The following GSK3B variants were observed in gnomAD, a reference collection of about 807,000 sequenced individuals.
GSK3B encodes the protein glycogen synthase kinase-3 beta.
GSK3B carries 15 observed loss-of-function variants against 56.4 expected under a neutral mutation model. The ratio of observed to expected loss-of-function variants is 0.27; its 90% confidence interval spans 0.18 to 0.41. The LOEUF is 0.41. GSK3B is among the 10% of genes least tolerant of loss of function. GSK3B has a pLI of 1.00. For missense variants in GSK3B, 300 were observed against 513.4 expected, an observed-to-expected ratio of 0.58 and a Z score of 4.02; for synonymous variants, 181 against 188.9, an observed-to-expected ratio of 0.96 and a Z score of 0.34.
rs895596547 is a variant in GSK3B, at chr3:119,825,505, A to T, written c.*1283T>A. 4 of 227,216 alleles carry T rather than the reference A, an allele frequency of 1.8e-5. No homozygotes were observed. The highest frequency in any genetic ancestry group is 8.9e-5 in the African/African-American group (4 of 44,986). 14.1% of individuals were successfully genotyped at this position (227,216 alleles called of 1,614,324 possible). ...AAAAAAGGCAGTATTGAATATATGT[A>T]TATATAACATATATACACACATTTA... is the stretch of plus-strand genomic sequence containing the variant. On this transcript the variant is annotated 3_prime_UTR_variant, in exon 11 of 11. Transcript: ENST00000264235.
chr3:119,949,869 C>T (rs1485878090), intron 2 of GSK3B, among the ~76,000 whole-genome samples: 6 of 147,970 alleles, frequency 4.1e-5, no homozygotes, highest in South Asian at 2.2e-4. Flanking sequence ...TCAAGAGTTT[C>T]GTTTTTTATC....
chr3:120,006,354 A>G (rs1037458881), intron 1 of GSK3B, among the ~76,000 whole-genome samples: 16 of 152,214 alleles, frequency 1.1e-4, no homozygotes, highest in African/African-American at 3.6e-4. Flanking sequence ...AGACAGATCA[A>G]GGAGACAGAA....
At chr3:119,881,043 T>C (rs201748799) in intron 7 of GSK3B, among the ~76,000 whole-genome samples, 1 of 152,104 alleles carries the variant, frequency 6.6e-6, no homozygotes, top group African/African-American at 2.4e-5. Context: ...TTCATAATAA[T>C]AAAATACTGC....
chr3:120,063,727 C>CA (rs58811446), intron 1 of GSK3B, among the ~76,000 whole-genome samples: 2,704 of 81,604 alleles, frequency 0.033, 84 homozygotes, highest in South Asian at 0.082. Flanking sequence ...GACTCTGTCT[C>CA]AAAAAAAAAA....
rs2055481288 is a variant in GSK3B, at chr3:119,825,056, A to G, written c.*1732T>C. ...ACCATGGGCTCAGCTCTGCAGCCCTACAGTTACCAGCTAACCTTGGAAGGC... is the reference window on the plus strand; with the variant it reads ...ACCATGGGCTCAGCTCTGCAGCCCTGCAGTTACCAGCTAACCTTGGAAGGC... On this transcript the variant is annotated 3_prime_UTR_variant, in exon 11 of 11. Coordinates refer to ENST00000264235, the MANE Select transcript of GSK3B (RefSeq NM_001146156.2). 3 of 193,832 alleles carry G rather than the reference A, an allele frequency of 1.5e-5. No individual in the cohort carries two copies. The highest frequency in any genetic ancestry group is 1.1e-5 in the Non-Finnish European group (1 of 93,102). 12.0% of individuals were successfully genotyped at this position (193,832 alleles called of 1,614,324 possible).
At chr3:120,020,637 C>T (rs2057868486) in intron 1 of GSK3B, among the ~76,000 whole-genome samples, 1 of 152,160 alleles carries the variant, frequency 6.6e-6, no homozygotes, top group Admixed American at 6.5e-5. Flanking sequence ...TTATTCCAGA[C>T]ACAACGATAT....
chr3:119,998,516 A>G (rs2057645819), intron 2 of GSK3B, among the ~76,000 whole-genome samples: 1 of 152,210 alleles, frequency 6.6e-6, no homozygotes, highest in African/African-American at 2.4e-5. Flanking sequence ...TGAATTTCCA[A>G]CGCACAGAAG....
At chr3:120,006,669 G>A (rs954922873) in intron 1 of GSK3B, among the ~76,000 whole-genome samples, 1 of 152,102 alleles carries the variant, frequency 6.6e-6, no homozygotes, top group Non-Finnish European at 1.5e-5. Context: ...TGACTACTTG[G>A]TAAATAACGA....
chr3:119,845,600 C>G (rs564214351), intron 9 of GSK3B, among the ~76,000 whole-genome samples: 2 of 152,226 alleles, frequency 1.3e-5, no homozygotes, highest in African/African-American at 4.8e-5. Context: ...ATACAAGTTA[C>G]AAGGGATGTG....
intron 5 of GSK3B, among the ~76,000 whole-genome samples, chr3:119,914,409 A>G (rs147481430): frequency 2.0e-5 from 3 of 152,216 alleles, no homozygotes; most frequent in African/African-American, 7.2e-5. Context: ...ATGTCCCAAG[A>G]GAATGGGCTG....
chr3:120,005,268 G>T (rs985392414), intron 1 of GSK3B, among the ~76,000 whole-genome samples: 1 of 152,046 alleles, frequency 6.6e-6, no homozygotes, highest in Non-Finnish European at 1.5e-5. Context: ...CAAGAAATAC[G>T]GCATTATGTG....
chr3:119,829,526 C>G (rs1257684052), intron 10 of GSK3B, among the ~76,000 whole-genome samples: 1 of 152,232 alleles, frequency 6.6e-6, no homozygotes, highest in Non-Finnish European at 1.5e-5. Context: ...CTGGCCACGG[C>G]AGCCATTAAC....
chr3:119,822,840 C>G lies in GSK3B; in HGVS notation c.*3948G>C. The G allele has an allele frequency of 4.4e-6, 1 of 228,390 alleles. No individual in the cohort carries two copies. Among genetic ancestry groups the G allele is most frequent in the Non-Finnish European group, 8.7e-6 (1 of 115,014 alleles). 14.1% of individuals were successfully genotyped at this position (228,390 alleles called of 1,614,324 possible). ...GAAAACCCCCCAAATTCCTGGGGAT[C>G]TGGCATTGGCCAAACTTCCTTTGGA... On this transcript the variant is annotated 3_prime_UTR_variant, in exon 11 of 11. Coordinates refer to ENST00000264235, the MANE Select transcript of GSK3B (RefSeq NM_001146156.2).
chr3:119,900,977 G>A (rs2056619090), intron 7 of GSK3B, among the ~76,000 whole-genome samples: 1 of 152,002 alleles, frequency 6.6e-6, no homozygotes. Flanking sequence ...CTAAGACTAT[G>A]TAGTTATAAA....
intron 1 of GSK3B, among the ~76,000 whole-genome samples, chr3:120,077,273 T>C (rs141718232): frequency 0.013 from 1,962 of 152,334 alleles, 19 homozygotes; most frequent in Non-Finnish European, 0.018. Flanking sequence ...CAACCCTAGG[T>C]GTCCATCAAT....
chr3:120,013,667 TTCTG>T (rs879556286), intron 1 of GSK3B, among the ~76,000 whole-genome samples: 25 of 152,202 alleles, frequency 1.6e-4, no homozygotes, highest in Non-Finnish European at 3.7e-4. Context: ...TCATGACATT[TTCTG>T]TCTAACAATA....
rs189942632 is a variant in GSK3B, at chr3:119,910,597, T to C, written c.715+2107A>G. ...TCAGGGTGGCAGTTGCTGAAGGCTA[T>C]ACGATGTGGCTGGAGTAATTTCTTA... On this transcript the variant is annotated intron_variant, in intron 6 of 10. Coordinates refer to ENST00000264235, the MANE Select transcript of GSK3B (RefSeq NM_001146156.2). 5.3e-5 allele frequency among the ~76,000 whole-genome samples: 8 copies of C among 152,312 alleles called. No homozygotes were observed. In the East Asian group the frequency reaches 7.7e-4, roughly 15 times the overall value.
intron 1 of GSK3B, among the ~76,000 whole-genome samples, chr3:120,005,573 T>C (rs912890127): frequency 1.3e-5 from 2 of 152,102 alleles, no homozygotes; most frequent in Non-Finnish European, 2.9e-5. Context: ...TAACAGCAGA[T>C]CTCTCGGCAG....
At chr3:119,982,044 G>A (rs1352165669) in intron 2 of GSK3B, among the ~76,000 whole-genome samples, 1 of 152,222 alleles carries the variant, frequency 6.6e-6, no homozygotes, top group Non-Finnish European at 1.5e-5. Context: ...TTGTTGTTCT[G>A]CAGCCTCTGC....
Sources: gnomAD v4.1 joint callset for allele counts (sites outside exome capture counted in the v4.1 genomes callset) on GRCh38, gnomAD v4.1.1 for gene constraint, MANE v1.5 for transcripts, NCBI Gene and HGNC (gene_info 2026-07-23, HGNC 2026-07-21) for gene names.